NHLRC2: variants seen among roughly 807,000 people sequenced by gnomAD.
NHLRC2 encodes NHL repeat-containing protein 2.
NHLRC2 carries 33 observed loss-of-function variants against 68.1 expected under a neutral mutation model. That is an observed-to-expected ratio of 0.48 (90% CI 0.37 to 0.65). The LOEUF is 0.65. Ranked by LOEUF, NHLRC2 falls within the 30% of genes least tolerant of loss-of-function variation. NHLRC2 has a pLI of 0.00. For missense variants in NHLRC2, 761 were observed against 853.8 expected (o/e 0.89, Z 1.35); for synonymous variants, 311 against 309.6 (o/e 1.00, Z -0.05).
intron 6 of NHLRC2, among the ~76,000 whole-genome samples, chr10:113,899,218 T>C (rs1846207072): frequency 6.6e-6 from 1 of 152,222 alleles, no homozygotes; most frequent in Non-Finnish European, 1.5e-5. Flanking sequence ...CCCATTCATT[T>C]TTCTGTCCCT....
chr10:113,896,919 G>T (rs901187055), intron 5 of NHLRC2, among the ~76,000 whole-genome samples: 17 of 151,878 alleles, frequency 1.1e-4, no homozygotes, highest in African/African-American at 4.1e-4. Context: ...GCATGAACCT[G>T]GGAGGCGGAG....
chr10:113,893,199 T>C (rs1377239884), intron 5 of NHLRC2, among the ~76,000 whole-genome samples: 1 of 152,154 alleles, frequency 6.6e-6, no homozygotes, highest in Non-Finnish European at 1.5e-5. Flanking sequence ...ATCAGATCCC[T>C]GTTTCTGATC....
At chr10:113,894,985 T>A (rs1431269446) in intron 5 of NHLRC2, among the ~76,000 whole-genome samples, 1 of 152,182 alleles carries the variant, frequency 6.6e-6, no homozygotes, top group African/African-American at 2.4e-5. Context: ...ATAAGCATAA[T>A]TTATAATAAA....
rs1247700557 is a variant in NHLRC2, at chr10:113,913,854, T to TTG, written c.*5319_*5320insGT. On this transcript the variant is annotated 3_prime_UTR_variant, in exon 11 of 11. Coordinates refer to ENST00000369301, the MANE Select transcript of NHLRC2 (RefSeq NM_198514.4). ...TTTTGTTGTTGTTGTTTTGTTTTTT[T>TTG]TTTTTTTTTTTGAGATGGAGTCTCA... 1 of 148,820 alleles carries TTG rather than the reference T, an allele frequency of 6.7e-6. No individual in the cohort carries two copies. The highest frequency in any genetic ancestry group is 2.5e-5 in the African/African-American group (1 of 40,188). The allele number at this position is 148,820 out of a possible 1,614,324, so 9.2% of individuals were successfully genotyped here. A position where few individuals can be genotyped will look rare whatever the true frequency, so the allele number is the denominator to read the frequency against.
intron 10 of NHLRC2, among the ~76,000 whole-genome samples, chr10:113,906,805 C>T (rs1015248884): frequency 1.3e-4 from 20 of 152,076 alleles, no homozygotes; most frequent in Admixed American, 1.2e-3. Context: ...CTGGCTAACA[C>T]GGTGAAACCC....
chr10:113,877,850 T>C (rs1285226840), intron 3 of NHLRC2, among the ~76,000 whole-genome samples: 1 of 152,206 alleles, frequency 6.6e-6, no homozygotes, highest in Non-Finnish European at 1.5e-5. Flanking sequence ...TTGTGTTTTG[T>C]GGTGTTTGTT....
At chr10:113,874,497 TA>T in intron 2 of NHLRC2, among the ~76,000 whole-genome samples, 1 of 145,024 alleles carries the variant, frequency 6.9e-6, no homozygotes. Context: ...TGTGTGTGTT[TA>T]GCCTTTGATT....
chr10:113,875,766 C>T (rs1227261840), intron 2 of NHLRC2, among the ~76,000 whole-genome samples: 2 of 152,072 alleles, frequency 1.3e-5, no homozygotes, highest in Non-Finnish European at 2.9e-5. Flanking sequence ...ATTATACCTC[C>T]TGATTTGTGT....
Position 113,914,466 on chromosome 10 carries a change from C to T in NHLRC2, c.*5930C>T, listed in dbSNP as rs534992130. The T allele has an allele frequency of 4.8e-4, 75 of 156,990 alleles. No individual in the cohort carries two copies. The highest frequency in any genetic ancestry group is 3.1e-3 in the South Asian group (16 of 5,130). The allele number at this position is 156,990 out of a possible 1,614,324, so 9.7% of individuals were successfully genotyped here. ...TACAGGCGTGAGCCGCTGCGCCCAG[C>T]GCACTAAATACTATTAAAAGGAATT... On this transcript the variant is annotated 3_prime_UTR_variant, in exon 11 of 11. Transcript: ENST00000369301.
chr10:113,888,092 A>G (rs1846098183), intron 5 of NHLRC2, among the ~76,000 whole-genome samples: 1 of 152,188 alleles, frequency 6.6e-6, no homozygotes, highest in Non-Finnish European at 1.5e-5. Context: ...ATAAAAAGTA[A>G]ATTTAAAAAA....
Position 113,915,082 on chromosome 10 carries a change from G to A in NHLRC2, c.*6546G>A. Reference sequence around the variant, plus strand: ...TTGGTTTGGTTTAATTCTTTTCAAGGGTTGGAGTTGGAAAGTGAAAACCCT... The same window carrying A: ...TTGGTTTGGTTTAATTCTTTTCAAGAGTTGGAGTTGGAAAGTGAAAACCCT... On this transcript the variant is annotated 3_prime_UTR_variant, in exon 11 of 11. Transcript: ENST00000369301. 1 of 456,240 alleles carries A rather than the reference G, an allele frequency of 2.2e-6. No homozygotes were observed. Among genetic ancestry groups the A allele is most frequent in the Middle Eastern group, 3.3e-4 (1 of 3,076 alleles). 28.3% of individuals were successfully genotyped at this position (456,240 alleles called of 1,614,324 possible). A position where few individuals can be genotyped will look rare whatever the true frequency, so the allele number is the denominator to read the frequency against.
chr10:113,913,647 T>G lies in NHLRC2; in HGVS notation c.*5111T>G, dbSNP rs1846349404. 1 of 152,086 alleles carries G rather than the reference T, an allele frequency of 6.6e-6. No individual in the cohort carries two copies. Among genetic ancestry groups the G allele is most frequent in the Non-Finnish European group, 1.5e-5 (1 of 68,028 alleles). 9.4% of individuals were successfully genotyped at this position (152,086 alleles called of 1,614,324 possible). A position where few individuals can be genotyped will look rare whatever the true frequency, so the allele number is the denominator to read the frequency against. On this transcript the variant is annotated 3_prime_UTR_variant, in exon 11 of 11. Coordinates refer to ENST00000369301, the MANE Select transcript of NHLRC2 (RefSeq NM_198514.4). ...TCAAACCCTAAGAAGCTATTCATATTTAAGAAAATTTTGTTGTATTAAATA... is the reference window on the plus strand; with the variant it reads ...TCAAACCCTAAGAAGCTATTCATATGTAAGAAAATTTTGTTGTATTAAATA...
chr10:113,898,677 T>A (rs1014656227), intron 6 of NHLRC2, among the ~76,000 whole-genome samples: 1 of 152,224 alleles, frequency 6.6e-6, no homozygotes, highest in African/African-American at 2.4e-5. Context: ...AAGACATAGT[T>A]GAACTATCTC....
intron 2 of NHLRC2, among the ~76,000 whole-genome samples, chr10:113,864,694 T>TAA (rs71007440): frequency 2.1e-5 from 3 of 140,534 alleles, no homozygotes; most frequent in South Asian, 4.5e-4. Context: ...AGACTCCGTC[T>TAA]AAAAAAAAAA....
rs573762630 is a variant in NHLRC2 at position 113,880,375 on chromosome 10, G to A, written c.909+680G>A. Among the ~76,000 whole-genome samples, 10 of 150,342 alleles carry A rather than the reference G, an allele frequency of 6.7e-5. No individual in the cohort carries two copies. In the East Asian group the frequency reaches 7.8e-4, roughly 12 times the overall value. On this transcript the variant is annotated intron_variant, in intron 4 of 10. Transcript: ENST00000369301. Reference sequence around the variant, plus strand: ...TTTTTCTAACTTTTTTTTTTTGCATGTTAGTCACCTGAATGATATGACTGT... The same window carrying A: ...TTTTTCTAACTTTTTTTTTTTGCATATTAGTCACCTGAATGATATGACTGT...
chr10:113,866,203 T>G (rs1043233454), intron 2 of NHLRC2, among the ~76,000 whole-genome samples: 9 of 152,250 alleles, frequency 5.9e-5, no homozygotes, highest in Non-Finnish European at 8.8e-5. Flanking sequence ...CCAAGAAGTT[T>G]GAAAGCAAAA....
intron 6 of NHLRC2, among the ~76,000 whole-genome samples, chr10:113,898,883 T>C (rs1327836072): frequency 6.6e-6 from 1 of 152,216 alleles, no homozygotes; most frequent in Admixed American, 6.5e-5. Flanking sequence ...TAATAATATA[T>C]GTGGAGAGCT....
chr10:113,889,048 A>G (rs918731517), intron 5 of NHLRC2, among the ~76,000 whole-genome samples: 1 of 152,020 alleles, frequency 6.6e-6, no homozygotes, highest in African/African-American at 2.4e-5. Flanking sequence ...GCTGTTCTCT[A>G]ACTCCTGACC....
In NHLRC2 at chr10:113,910,573, T is replaced by C. The variant is rs1846318394; in HGVS notation, c.*2037T>C. On this transcript the variant is annotated 3_prime_UTR_variant, in exon 11 of 11. Coordinates refer to ENST00000369301, the MANE Select transcript of NHLRC2 (RefSeq NM_198514.4). ...TTTCTAGATGGACAGGATGAGAATA[T>C]TTTGGCCCAATCATTTTCTGTTTAA... 6.6e-6 allele frequency: 1 copy of C among 152,196 alleles called. No individual in the cohort carries two copies. Among genetic ancestry groups the C allele is most frequent in the South Asian group, 2.1e-4 (1 of 4,832 alleles). 9.4% of individuals were successfully genotyped at this position (152,196 alleles called of 1,614,324 possible).
Sources: allele counts gnomAD v4.1 joint callset (sites outside exome capture counted in the v4.1 genomes callset), GRCh38; gene constraint gnomAD v4.1.1; transcripts MANE v1.5; gene names NCBI Gene and HGNC (gene_info 2026-07-23, HGNC 2026-07-21).